STXBP6: variants seen among roughly 807,000 people sequenced by gnomAD.
The protein encoded by STXBP6 is syntaxin-binding protein 6.
In STXBP6, 21 loss-of-function variants were observed where a neutral mutation model predicts 26.9. The observed-to-expected ratio is 0.78, with a 90% CI of 0.55 to 1.12. The LOEUF is 1.12. STXBP6 is among the 50% of genes most tolerant of loss of function. The pLI is 0.00. For missense variants in STXBP6, 232 were observed against 257.9 expected (o/e 0.90, Z 0.69); for synonymous variants, 97 against 92.6 (o/e 1.05, Z -0.27).
At chr14:24,958,711 A>T (rs977784773) in intron 2 of STXBP6, among the ~76,000 whole-genome samples, 1 of 152,182 alleles carries the variant, frequency 6.6e-6, no homozygotes, top group Non-Finnish European at 1.5e-5. Context: ...GAGTAATGCA[A>T]GGCTCTTTAG....
At chr14:24,856,884 A>G in intron 3 of STXBP6, 143 bp downstream of exon 3, 1 of 993,428 alleles carries the variant, frequency 1.0e-6, no homozygotes, top group South Asian at 2.0e-5. Flanking sequence ...AGGACTCTGT[A>G]TCCGAAAGTT....
intron 2 of STXBP6, among the ~76,000 whole-genome samples, chr14:24,899,237 T>C (rs920984688): frequency 2.6e-5 from 4 of 152,206 alleles, no homozygotes; most frequent in South Asian, 2.1e-4. Flanking sequence ...TAAAGCACTA[T>C]ATTAGACAAA....
chr14:25,049,813 TGCAACCGCATCTCCCG>T lies in STXBP6; in HGVS notation c.-33+49_-33+64del. 7 of 985,804 alleles carry T rather than the reference TGCAACCGCATCTCCCG, an allele frequency of 7.1e-6. No homozygotes were observed. Among genetic ancestry groups the T allele is most frequent in the Non-Finnish European group, 8.4e-6 (7 of 830,326 alleles). The allele number at this position is 985,804 out of a possible 1,614,324, so 61.1% of individuals were successfully genotyped here. On this transcript the variant is annotated intron_variant, in intron 1 of 5. Transcript: ENST00000323944. The surrounding 1 kb of genome is among the most constrained non-coding windows in gnomAD (Gnocchi z 5.6). Reference sequence around the variant, plus strand: ...CAGGCGCCCCAACAGCCGTGGCGGCTGCAACCGCATCTCCCGGGCTTGGCCTCCGCCCTGACCGCCT... The same window carrying T: ...CAGGCGCCCCAACAGCCGTGGCGGCTGGCTTGGCCTCCGCCCTGACCGCCT...
chr14:24,903,217 T>C (rs927390219), intron 2 of STXBP6, among the ~76,000 whole-genome samples: 1 of 151,164 alleles, frequency 6.6e-6, no homozygotes, highest in Non-Finnish European at 1.5e-5. Flanking sequence ...TTGCTTTTGA[T>C]TTGATTATTC....
chr14:24,851,675 G>T (rs1334053021), intron 4 of STXBP6, among the ~76,000 whole-genome samples: 1 of 151,960 alleles, frequency 6.6e-6, no homozygotes, highest in Non-Finnish European at 1.5e-5. Flanking sequence ...TAAACACAGA[G>T]AAAATAAAAG....
At chr14:25,001,270 C>G (rs1342057376) in intron 1 of STXBP6, among the ~76,000 whole-genome samples, 1 of 152,190 alleles carries the variant, frequency 6.6e-6, no homozygotes, top group East Asian at 1.9e-4. Flanking sequence ...AGCTCACCAT[C>G]TAATGCATAA....
intron 2 of STXBP6, among the ~76,000 whole-genome samples, chr14:24,876,013 G>GT (rs2070130560): frequency 6.6e-6 from 1 of 152,116 alleles, no homozygotes; most frequent in Non-Finnish European, 1.5e-5. Flanking sequence ...GAGTGGAGGG[G>GT]TGGGGTGAGA....
chr14:24,981,312 C>A (rs2074186405), intron 1 of STXBP6, among the ~76,000 whole-genome samples: 1 of 151,916 alleles, frequency 6.6e-6, no homozygotes, highest in Non-Finnish European at 1.5e-5. Context: ...TCACTGTTGC[C>A]CAGGCTGGGG....
At chr14:24,880,569 C>T (rs906473710) in intron 2 of STXBP6, among the ~76,000 whole-genome samples, 3 of 152,136 alleles carry the variant, frequency 2.0e-5, no homozygotes, top group Non-Finnish European at 4.4e-5. Flanking sequence ...GTACATGATG[C>T]ATTGCTCCCT....
intron 2 of STXBP6, 124 bp downstream of exon 2, chr14:24,974,541 G>A: frequency 1.3e-6 from 1 of 787,814 alleles, no homozygotes; most frequent in Non-Finnish European, 1.8e-6. Flanking sequence ...AGAAAAACGG[G>A]GAAAAGGAGC....
At chr14:24,813,580 T>C (rs78819700) in intron 5 of STXBP6, among the ~76,000 whole-genome samples, 7,176 of 152,234 alleles carry the variant, frequency 0.047, 224 homozygotes, top group Middle Eastern at 0.071. Context: ...ATTCCTGTGG[T>C]TGGGGCTGGG....
At position 24,810,517 on chromosome 14, in the gene STXBP6, A is replaced by T. The variant is rs1213884904; in HGVS notation, c.*2192T>A. The T allele has an allele frequency of 1.3e-5, 2 of 152,226 alleles. No homozygotes were observed. Among genetic ancestry groups the T allele is most frequent in the Non-Finnish European group, 2.9e-5 (2 of 68,050 alleles). The allele number at this position is 152,226 out of a possible 1,614,324, so 9.4% of individuals were successfully genotyped here. A position where few individuals can be genotyped will look rare whatever the true frequency, so the allele number is the denominator to read the frequency against. ...TAATCATTAGAGGGGGCTAATAAAGATTCGGATGGGCTTTCTTCTAATTCA... is the reference window on the plus strand; with the variant it reads ...TAATCATTAGAGGGGGCTAATAAAGTTTCGGATGGGCTTTCTTCTAATTCA... On this transcript the variant is annotated 3_prime_UTR_variant, in exon 6 of 6. Transcript: ENST00000323944.
chr14:24,941,725 C>G (rs2072809617), intron 2 of STXBP6, among the ~76,000 whole-genome samples: 1 of 152,266 alleles, frequency 6.6e-6, no homozygotes, highest in Admixed American at 6.5e-5. Context: ...AGAACCTACT[C>G]TTAGCTGTCT....
Position 25,020,635 on chromosome 14 carries a change from T to A in STXBP6, c.-33+29243A>T, listed in dbSNP as rs890107053. On this transcript the variant is annotated intron_variant, in intron 1 of 5. Coordinates refer to ENST00000323944, the MANE Select transcript of STXBP6 (RefSeq NM_001394410.1). ...CTCCACCTGAGACACCTACCACCCA[T>A]CAAATGGTCTACCCTTTGACTACAA... Among the ~76,000 whole-genome samples, 10 of 152,258 alleles carry A rather than the reference T, an allele frequency of 6.6e-5. No homozygotes were observed. In the East Asian group the frequency reaches 1.4e-3, roughly 21 times the overall value.
chr14:24,869,305 A>G (rs2069841383), intron 2 of STXBP6, among the ~76,000 whole-genome samples: 1 of 152,216 alleles, frequency 6.6e-6, no homozygotes, highest in Admixed American at 6.5e-5. Context: ...AAATCCTGCT[A>G]TGTGGTAAAG....
At position 25,050,011 on chromosome 14, in the gene STXBP6, C is replaced by A; in HGVS notation, c.-166G>T. ...GGCTTAGCCGGCCCGGGTGCTGGCT[C>A]GCCGCCGCTCGCGGCTCCCGCGCCG... is the stretch of plus-strand genomic sequence containing the variant. On this transcript the variant is annotated 5_prime_UTR_variant, in exon 1 of 6. Transcript: ENST00000323944. 1 of 392,408 alleles carries A rather than the reference C, an allele frequency of 2.5e-6. No individual in the cohort carries two copies. The highest frequency in any genetic ancestry group is 3.5e-6 in the Non-Finnish European group (1 of 288,148). The allele number at this position is 392,408 out of a possible 1,614,324, so 24.3% of individuals were successfully genotyped here.
intron 4 of STXBP6, among the ~76,000 whole-genome samples, chr14:24,847,422 G>T (rs896943659): frequency 2.0e-5 from 3 of 152,050 alleles, no homozygotes; most frequent in African/African-American, 7.2e-5. Flanking sequence ...ATCTTTTATT[G>T]TTAATGTTAA....
intron 2 of STXBP6, among the ~76,000 whole-genome samples, chr14:24,860,308 T>C (rs1482682224): frequency 6.6e-6 from 1 of 152,112 alleles, no homozygotes; most frequent in East Asian, 1.9e-4. Flanking sequence ...TCATAACAAA[T>C]TGGTCTTGCA....
chr14:24,888,703 C>A (rs1235259760), intron 2 of STXBP6, among the ~76,000 whole-genome samples: 1 of 145,464 alleles, frequency 6.9e-6, no homozygotes. Context: ...AGCCTGGTGA[C>A]AGAGCTAGAC....
Sources: allele counts gnomAD v4.1 joint callset (sites outside exome capture counted in the v4.1 genomes callset), GRCh38; gene constraint gnomAD v4.1.1; non-coding constraint Gnocchi (gnomAD v3.1); transcripts MANE v1.5; gene names NCBI Gene and HGNC (gene_info 2026-07-23, HGNC 2026-07-21).